Variants in SBF2 observed in about 807,000 individuals in gnomAD.
SBF2 encodes the protein SET binding factor 2.
A neutral mutation model predicts 225.2 loss-of-function variants in SBF2; 112 were observed. The ratio of observed to expected loss-of-function variants is 0.50; its 90% CI spans 0.43 to 0.58. SBF2 has a LOEUF of 0.58. Ranked by LOEUF, SBF2 falls within the 20% of genes least tolerant of loss-of-function variation. SBF2 has a pLI of 0.00. For missense variants in SBF2, 1,996 were observed against 2,206.2 expected (o/e 0.90, Z 1.91); for synonymous variants, 763 against 773.3 (o/e 0.99, Z 0.22).
At chr11:10,083,505 A>ACAGCATTGT (rs1388133478) in intron 2 of SBF2, among the ~76,000 whole-genome samples, 1 of 152,164 alleles carries the variant, frequency 6.6e-6, no homozygotes, top group African/African-American at 2.4e-5. Flanking sequence ...AATAACCAAA[A>ACAGCATTGT]CAGCATTGTA....
intron 2 of SBF2, among the ~76,000 whole-genome samples, chr11:10,135,670 T>A (rs370012857): frequency 5.9e-4 from 89 of 152,116 alleles, no homozygotes; most frequent in African/African-American, 2.0e-3. Flanking sequence ...ATAATAAGAG[T>A]CACTTTTGCT....
chr11:9,790,406 C>A, intron 34 of SBF2, 150 bp downstream of exon 34: 1 of 598,574 alleles, frequency 1.7e-6, no homozygotes. Flanking sequence ...ACAACCCAAA[C>A]CTATAGTGTC....
intron 2 of SBF2, among the ~76,000 whole-genome samples, chr11:10,086,257 T>C (rs1456917324): frequency 1.4e-5 from 2 of 144,822 alleles, no homozygotes; most frequent in African/African-American, 4.9e-5. Flanking sequence ...GTCCTGGCCA[T>C]GTTTTTGGTG....
intron 17 of SBF2, among the ~76,000 whole-genome samples, chr11:9,860,748 AATGGCAACTCT>A (rs1857669681): frequency 6.6e-6 from 1 of 152,228 alleles, no homozygotes; most frequent in Non-Finnish European, 1.5e-5. Context: ...TAACATAATC[AATGGCAACTCT>A]AAAAATGTTG....
In SBF2 at chr11:10,073,358, G is replaced by T. The variant is rs141080771; in HGVS notation, c.142-30377C>A. Reference sequence around the variant, plus strand: ...AATTCCTTATTAAATTGAAATTAAGGAAGAGCAATTTCCTTAACAAATTAT... The same window carrying T: ...AATTCCTTATTAAATTGAAATTAAGTAAGAGCAATTTCCTTAACAAATTAT... On this transcript the variant is annotated intron_variant, in intron 2 of 39. Coordinates refer to ENST00000256190, the MANE Select transcript of SBF2 (RefSeq NM_030962.4). Among the ~76,000 whole-genome samples the T allele has an allele frequency of 5.5e-3, 837 of 151,892 alleles. 2 individuals are homozygous for T. The highest frequency in any genetic ancestry group is 0.031 in the Middle Eastern group (9 of 294).
chr11:9,990,586 A>G (rs139218211), intron 12 of SBF2, among the ~76,000 whole-genome samples: 1 of 152,298 alleles, frequency 6.6e-6, no homozygotes, highest in African/African-American at 2.4e-5. Context: ...TGATACATAC[A>G]TATGATTAGC....
Position 10,245,132 on chromosome 11 carries a change from T to C in SBF2, c.55+48883A>G, listed in dbSNP as rs1437988124. ...ATGGGCAACGGAGTGAGACCCTGTC[T>C]CAAAAAAAAAAAAAAAAAAAATTAA... On this transcript the variant is annotated intron_variant, in intron 1 of 39. Coordinates refer to ENST00000256190, the MANE Select transcript of SBF2 (RefSeq NM_030962.4). 8.3e-4 allele frequency among the ~76,000 whole-genome samples: 45 copies of C among 53,908 alleles called. 1 individual carries two copies. The highest frequency in any genetic ancestry group is 2.9e-4 in the Non-Finnish European group (7 of 23,806). The allele number at this position is 53,908 out of a possible 152,430, so 35.4% of individuals were successfully genotyped here. A position where few individuals can be genotyped will look rare whatever the true frequency, so the allele number is the denominator to read the frequency against.
chr11:10,270,588 T>A (rs1424630343), intron 1 of SBF2, among the ~76,000 whole-genome samples: 1 of 152,180 alleles, frequency 6.6e-6, no homozygotes, highest in Non-Finnish European at 1.5e-5. Flanking sequence ...TTCAAATCCA[T>A]GTTGTTGAAG....
intron 16 of SBF2, among the ~76,000 whole-genome samples, chr11:9,936,324 G>C (rs1362837226): frequency 6.6e-6 from 1 of 152,210 alleles, no homozygotes; most frequent in Non-Finnish European, 1.5e-5. Context: ...AGCGGATGTG[G>C]AGAAATAGGA....
chr11:10,280,565 T>A (rs373422057), intron 1 of SBF2, among the ~76,000 whole-genome samples: 5 of 152,208 alleles, frequency 3.3e-5, no homozygotes, highest in Admixed American at 2.6e-4. Flanking sequence ...CCCTGAAGAA[T>A]AGGCATTCAA....
At chr11:10,246,549 T>C (rs143684700) in intron 1 of SBF2, among the ~76,000 whole-genome samples, 3,307 of 152,268 alleles carry the variant, frequency 0.022, 91 homozygotes, top group African/African-American at 0.066. Context: ...TCCCAAAGTG[T>C]TGGGATTACA....
chr11:9,921,064 C>CTTTTTTT (rs34959264), intron 16 of SBF2, among the ~76,000 whole-genome samples: 4 of 85,894 alleles, frequency 4.7e-5, no homozygotes, highest in Non-Finnish European at 8.6e-5. Context: ...CTGAAAACTT[C>CTTTTTTT]TTTTTTTTTT....
At chr11:9,837,329 G>A (rs767136206) in intron 26 of SBF2, among the ~76,000 whole-genome samples, 2 of 152,168 alleles carry the variant, frequency 1.3e-5, no homozygotes, top group Non-Finnish European at 2.9e-5. Flanking sequence ...CTTTTGCTGA[G>A]AGCTTTTTTC....
At chr11:9,988,032 T>G (rs1036591331) in intron 13 of SBF2, among the ~76,000 whole-genome samples, 2 of 152,126 alleles carry the variant, frequency 1.3e-5, no homozygotes, top group Non-Finnish European at 2.9e-5. Context: ...TATAAGGCCA[T>G]AGTCACCAAA....
At chr11:10,115,247 T>A (rs1259698341) in intron 2 of SBF2, among the ~76,000 whole-genome samples, 2 of 152,170 alleles carry the variant, frequency 1.3e-5, no homozygotes, top group Admixed American at 6.5e-5. Flanking sequence ...TACTGGCAGT[T>A]CTAACCTTTT....
chr11:10,270,099 T>C (rs1160976436), intron 1 of SBF2, among the ~76,000 whole-genome samples: 3 of 152,156 alleles, frequency 2.0e-5, no homozygotes, highest in African/African-American at 7.2e-5. Flanking sequence ...ACTGATAAAT[T>C]TATTTACTTT....
intron 16 of SBF2, among the ~76,000 whole-genome samples, chr11:9,918,289 GT>G (rs1332016984): frequency 2.0e-5 from 3 of 152,072 alleles, no homozygotes; most frequent in Non-Finnish European, 4.4e-5. Flanking sequence ...TTGCTTCTCT[GT>G]TTTCCCCCCC....
chr11:9,893,545 A>T (rs780917445), intron 17 of SBF2, among the ~76,000 whole-genome samples: 1 of 152,200 alleles, frequency 6.6e-6, no homozygotes, highest in Non-Finnish European at 1.5e-5. Flanking sequence ...TGTGGTAAGC[A>T]CCTAATGGTG....
chr11:10,080,192 G>A (rs1300115896), intron 2 of SBF2, among the ~76,000 whole-genome samples: 2 of 143,728 alleles, frequency 1.4e-5, no homozygotes, highest in Non-Finnish European at 3.0e-5. Context: ...AGGTTGCAGT[G>A]AGCCGAGGTC....
Sources: gnomAD v4.1 joint callset for allele counts (sites outside exome capture counted in the v4.1 genomes callset) on GRCh38, gnomAD v4.1.1 for gene constraint, MANE v1.5 for transcripts, NCBI Gene and HGNC (gene_info 2026-07-23, HGNC 2026-07-21) for gene names.